The following RNF212 variants were observed in gnomAD, a reference collection of about 807,000 sequenced individuals.
The protein encoded by RNF212 is ring finger protein 212.
A neutral mutation model predicts 34.7 loss-of-function variants in RNF212; 33 were observed. The observed-to-expected ratio is 0.95, with a 90% confidence interval of 0.72 to 1.27. RNF212 has a LOEUF of 1.27. RNF212 is among the 50% of genes most tolerant of loss of function. The pLI is 0.00. For missense variants in RNF212, 377 were observed against 362.2 expected (o/e 1.04, Z -0.33); for synonymous variants, 140 against 136.1 (o/e 1.03, Z -0.20).
intron 2 of RNF212, chr4:1,107,458 C>CT (rs750874171): frequency 0.02 from 2,814 of 143,494 alleles, 50 homozygotes; most frequent in African/African-American, 0.052. Context: ...GGGACTTACA[C>CT]TTTTTTTTTT....
chr4:1,056,397 G>A lies in RNF212; in HGVS notation n.327C>T, dbSNP rs1273164165. 7.5e-6 allele frequency: 3 copies of A among 397,526 alleles called. No homozygotes were observed. The South Asian group carries it at 3.1e-4, about 42-fold the overall frequency. 24.6% of individuals were successfully genotyped at this position (397,526 alleles called of 1,614,324 possible). A position where few individuals can be genotyped will look rare whatever the true frequency, so the allele number is the denominator to read the frequency against. On this transcript the variant is annotated non_coding_transcript_exon_variant, in exon 5 of 5. Transcript: ENST00000503206. ...AAGGGGGCAGAGCGGGTGGCTGGGT[G>A]CTCATCTTTCAGGTGTCACTGCCCC...
intron 1 of RNF212, among the ~76,000 whole-genome samples, chr4:1,111,497 C>G (rs936677119): frequency 6.6e-5 from 10 of 152,284 alleles, no homozygotes; most frequent in Middle Eastern, 3.4e-3. Flanking sequence ...CGCTGGGCTC[C>G]TCTCCAGTGT....
intron 2 of RNF212, chr4:1,100,459 T>A: frequency 6.7e-6 from 1 of 149,076 alleles, no homozygotes; most frequent in Admixed American, 6.8e-5. Flanking sequence ...CCAGGCTGGA[T>A]TGCAGTGGTG....
chr4:1,108,442 C>A, intron 1 of RNF212, 38 bp from the exon 2 acceptor site: 1 of 1,100,410 alleles, frequency 9.1e-7, no homozygotes, highest in Non-Finnish European at 1.3e-6. Context: ...ATTAGACTGA[C>A]TACTACTTTT....
rs1725677238 is a variant in RNF212, at chr4:1,111,644, GT to G, written c.109+1711del. On this transcript the variant is annotated intron_variant, in intron 1 of 9. Coordinates refer to ENST00000433731, the MANE Select transcript of RNF212 (RefSeq NM_001131034.4). The stretch of plus-strand genomic sequence containing the variant: ...GTGCTCAGCTGCAGTCTCTCCCACA[GT>G]TTCTATCTCCCTCCAATCTACTTTT... 3.3e-5 allele frequency among the ~76,000 whole-genome samples: 5 copies of G among 152,258 alleles called. 1 individual carries two copies. The South Asian group carries it at 8.3e-4, about 25-fold the overall frequency.
At chr4:1,099,674 G>A (rs1180404254) in intron 2 of RNF212, 4 of 450,770 alleles carry the variant, frequency 8.9e-6, no homozygotes, top group South Asian at 4.7e-5. Flanking sequence ...GGGTGTGTGC[G>A]CCACAATGGT....
rs1720327416 is a variant in RNF212 at position 1,081,467 on chromosome 4, G to T, written c.416C>A (p.Thr139Lys). The part of the protein sequence containing the change: ...AFSTIKSSVS[T>K]KPHGCLLPPH... Reference sequence around the variant, plus strand: ...TGGCAGCAGGCATCCGTGTGGTTTTGCTGGAAGAGTGATGACGAAAATGCC... The same window carrying T: ...TGGCAGCAGGCATCCGTGTGGTTTTTCTGGAAGAGTGATGACGAAAATGCC... Residue 139 changes from threonine (T) to lysine (K), a missense_variant and splice_region_variant, in exon 7 of 10, where the codon ACA becomes AAA. Physicochemically the swap from Thr to Lys is moderately conservative, Grantham distance 78. Transcript: ENST00000433731. The T allele has an allele frequency of 6.2e-7, 1 of 1,613,938 alleles. No individual in the cohort carries two copies. Among genetic ancestry groups the T allele is most frequent in the Non-Finnish European group, 8.5e-7 (1 of 1,179,882 alleles).
At chr4:1,113,636 T>G, upstream of RNF212, 1 of 498,462 alleles carries the variant, frequency 2.0e-6, no homozygotes, top group Admixed American at 4.4e-5. Flanking sequence ...CCTCGCGGGT[T>G]CTCCCGCAGC....
chr4:1,081,790 G>A (rs1033548572), intron 5 of RNF212, 171 bp from the exon 6 acceptor site: 23 of 603,572 alleles, frequency 3.8e-5, no homozygotes, highest in South Asian at 2.7e-4. Context: ...TGAGTCGCAC[G>A]GCCCTGCTCC....
intron 2 of RNF212, among the ~76,000 whole-genome samples, chr4:1,097,439 C>A (rs897387966): frequency 1.3e-5 from 2 of 151,540 alleles, no homozygotes; most frequent in Non-Finnish European, 2.9e-5. Flanking sequence ...CCCGTCTCTA[C>A]TAAAAATATA....
intron 1 of RNF212, among the ~76,000 whole-genome samples, chr4:1,109,056 G>A (rs1315590806): frequency 4.6e-5 from 7 of 150,842 alleles, no homozygotes; most frequent in Non-Finnish European, 1.0e-4. Flanking sequence ...CACCCAGGCG[G>A]GAGTGTAATG....
chr4:1,065,633 A>AT (rs1325653847), intron 3 of RNF212, among the ~76,000 whole-genome samples: 1 of 151,844 alleles, frequency 6.6e-6, no homozygotes, highest in Non-Finnish European at 1.5e-5. Flanking sequence ...AGCCTGGATA[A>AT]TTTTTTGTAG....
chr4:1,109,010 C>CTTT (rs71168810), intron 1 of RNF212, among the ~76,000 whole-genome samples: 32,387 of 135,628 alleles, frequency 0.24, 4,947 homozygotes, highest in East Asian at 0.37. Context: ...CATAATTAGC[C>CTTT]TTTTTTTTTT....
chr4:1,058,053 A>T (rs1236436829), intron 4 of RNF212, among the ~76,000 whole-genome samples: 1 of 74,284 alleles, frequency 1.3e-5, no homozygotes, highest in East Asian at 3.1e-4. Context: ...AAAGAGTGAG[A>T]CTCCGGCTAA....
At chr4:1,108,253 T>C (rs1725123722) in intron 2 of RNF212, 90 bp downstream of exon 2, 7 of 807,320 alleles carry the variant, frequency 8.7e-6, no homozygotes, top group South Asian at 2.0e-5. Flanking sequence ...CTGAAAATTT[T>C]AGACACCACA....
At chr4:1,066,148 C>T (rs1467747576) in intron 3 of RNF212, among the ~76,000 whole-genome samples, 1 of 151,646 alleles carries the variant, frequency 6.6e-6, no homozygotes, top group Admixed American at 6.6e-5. Context: ...GACTCCATCT[C>T]CTTGGCTCGA....
chr4:1,083,569 C>T (rs1481252322), intron 5 of RNF212, among the ~76,000 whole-genome samples: 5 of 152,082 alleles, frequency 3.3e-5, no homozygotes, highest in African/African-American at 7.2e-5. Flanking sequence ...ACCCGGCAGG[C>T]GGAGGTTGAG....
At chr4:1,059,145 G>A (rs1307208948) in intron 3 of RNF212, among the ~76,000 whole-genome samples, 2 of 152,212 alleles carry the variant, frequency 1.3e-5, no homozygotes, top group African/African-American at 4.8e-5. Context: ...TGCCTGCTGC[G>A]GCACGTCGGG....
chr4:1,058,789 G>A (rs55943351), intron 3 of RNF212, among the ~76,000 whole-genome samples: 3 of 152,192 alleles, frequency 2.0e-5, no homozygotes, highest in East Asian at 1.9e-4. Flanking sequence ...TGGGCTCTGC[G>A]AGGGGAGCCT....
Sources: allele counts gnomAD v4.1 joint callset (sites outside exome capture counted in the v4.1 genomes callset), GRCh38; gene constraint gnomAD v4.1.1; transcripts MANE v1.5; gene names NCBI Gene and HGNC (gene_info 2026-07-23, HGNC 2026-07-21).